Variants in SEMA4A observed in about 807,000 individuals in gnomAD.
SEMA4A encodes semaphorin-4A.
SEMA4A carries 52 observed loss-of-function variants against 72.5 expected under a neutral mutation model. That is an observed-to-expected ratio of 0.72 (90% confidence interval 0.57 to 0.90). The LOEUF (loss-of-function observed/expected upper bound fraction) is 0.90, where lower values mean the gene tolerates loss of function less well. SEMA4A is among the 40% of genes least tolerant of loss of function. The pLI is 0.00. For missense variants in SEMA4A, 926 were observed against 959.7 expected, an observed-to-expected ratio of 0.96 and a Z score of 0.46; for synonymous variants, 369 against 393.1, an observed-to-expected ratio of 0.94 and a Z score of 0.73.
chr1:156,149,940 A>T (rs1027285217), upstream of SEMA4A: 18 of 152,158 alleles, frequency 1.2e-4, no homozygotes, highest in African/African-American at 4.1e-4. Context: ...AGTCCCTCCC[A>T]CTTAGAGATG....
At chr1:156,148,946 G>A (rs769963978), upstream of SEMA4A, among the ~76,000 whole-genome samples, 48 of 152,096 alleles carry the variant, frequency 3.2e-4, no homozygotes, top group Non-Finnish European at 5.0e-4. Context: ...GGTACTGCAG[G>A]CATGCGCCAC....
intron 2 of SEMA4A, chr1:156,156,172 T>A: frequency 1.9e-6 from 1 of 518,186 alleles, no homozygotes; most frequent in Non-Finnish European, 3.6e-6. Flanking sequence ...TGCCTCACTT[T>A]ATTTCCCGTC....
At chr1:156,175,387 AT>A in intron 13 of SEMA4A, 144 bp downstream of exon 13, 1 of 1,220,902 alleles carries the variant, frequency 8.2e-7, no homozygotes, top group South Asian at 1.3e-5. Context: ...TCCTCCAGGG[AT>A]GGAGTTTCCA....
chr1:156,158,448 T>C lies in SEMA4A; in HGVS notation c.424T>C (p.Cys142Arg), dbSNP rs2102946850. 6.2e-7 allele frequency: 1 copy of C among 1,614,060 alleles called. No homozygotes were observed. Among genetic ancestry groups the C allele is most frequent in the South Asian group, 1.1e-5 (1 of 91,084 alleles). ...TTACAATGTCACCCATCTCTACACC[T>C]GCGGCACCTTCGCCTTCAGCCCTGC... ...VSYNVTHLYT[C>R]GTFAFSPACT... The change falls in exon 5 of 15, where the codon TGC becomes CGC. Residue 142 changes from cysteine to arginine, a missense_variant. Physicochemically the swap from Cys to Arg is radical, Grantham distance 180. Transcript: ENST00000368285.
chr1:156,171,769 TAA>T (rs1491489422), intron 10 of SEMA4A, among the ~76,000 whole-genome samples: 10 of 151,374 alleles, frequency 6.6e-5, no homozygotes, highest in Non-Finnish European at 1.5e-4. Flanking sequence ...ATTAATTAAT[TAA>T]TTAATTAATT....
Position 156,161,123 on chromosome 1 carries a change from G to T in SEMA4A, c.810+94G>T, listed in dbSNP as rs1020605545. 5.1e-5 allele frequency: 72 copies of T among 1,399,706 alleles called. No homozygotes were observed. The South Asian group carries it at 7.4e-4, about 14-fold the overall frequency. The allele number at this position is 1,399,706 out of a possible 1,614,324, so 86.7% of individuals were successfully genotyped here. A position where few individuals can be genotyped will look rare whatever the true frequency, so the allele number is the denominator to read the frequency against. On this transcript the variant is annotated intron_variant, in intron 8 of 14. Transcript: ENST00000368285. ...TGAGTGGTGGGCCCCCAGTGAGAGC[G>T]GGGGAGCGGGGCGGGGAACAAGCGG... is the stretch of plus-strand genomic sequence containing the variant.
chr1:156,162,254 C>T (rs1653735318), intron 9 of SEMA4A, among the ~76,000 whole-genome samples: 2 of 152,010 alleles, frequency 1.3e-5, no homozygotes, highest in Admixed American at 6.6e-5. Context: ...AGTGAGACTC[C>T]GTCTCAAAAA....
chr1:156,162,228 G>A (rs1653733308), intron 9 of SEMA4A, among the ~76,000 whole-genome samples: 3 of 152,184 alleles, frequency 2.0e-5, no homozygotes, highest in African/African-American at 7.2e-5. Context: ...ACCACTGCAC[G>A]CCAGCCTGGC....
chr1:156,155,047 C>A (rs974011317), intron 2 of SEMA4A: 7 of 385,218 alleles, frequency 1.8e-5, no homozygotes, highest in South Asian at 1.6e-4. Flanking sequence ...AAACTCCTAA[C>A]TGCTTCACAC....
chr1:156,151,838 CAAA>C (rs546304826), upstream of SEMA4A, among the ~76,000 whole-genome samples: 141 of 17,486 alleles, frequency 8.1e-3, no homozygotes, highest in Non-Finnish European at 0.015. Flanking sequence ...CACTTCGTCT[CAAA>C]AAAAAAAAAA....
chr1:156,160,936 G>A lies in SEMA4A; in HGVS notation c.717G>A (p.Ser239=). Residue 239 remains serine, a synonymous_variant, in exon 8 of 15, where the codon TCG becomes TCA. Transcript: ENST00000368285. ...CCTCCTTTGTGGCAGCCATCCCTTC[G>A]ACCCAGGTCGTCTACTTCTTCTTCG... The part of the protein sequence containing the change: ...HDASFVAAIP[S]TQVVYFFFEE... 3 of 1,613,434 alleles carry A rather than the reference G, an allele frequency of 1.9e-6. No homozygotes were observed. The highest frequency in any genetic ancestry group is 2.5e-6 in the Non-Finnish European group (3 of 1,179,852).
chr1:156,170,580 C>T (rs1371248612), intron 10 of SEMA4A, among the ~76,000 whole-genome samples: 3 of 149,618 alleles, frequency 2.0e-5, no homozygotes. Flanking sequence ...GGTGAAACCC[C>T]ATCTCTACTA....
intron 11 of SEMA4A, 149 bp from the exon 12 acceptor site, chr1:156,174,673 C>T: frequency 1.2e-6 from 1 of 857,670 alleles, no homozygotes; most frequent in Non-Finnish European, 1.9e-6. Flanking sequence ...ATCTCCATGG[C>T]ACAGAGGAAG....
At position 156,156,530 on chromosome 1, in the gene SEMA4A, G is replaced by C. The variant is rs768422312; in HGVS notation, c.256G>C (p.Ala86Pro). 14 of 1,613,944 alleles carry C rather than the reference G, an allele frequency of 8.7e-6. No individual in the cohort carries two copies. Among genetic ancestry groups the C allele is most frequent in the African/African-American group, 1.3e-5 (1 of 74,882 alleles). Residue 86 changes from alanine (A) to proline (P), a missense_variant, in exon 3 of 15, where the codon GCC becomes CCC. Physicochemically the swap from Ala to Pro is conservative, Grantham distance 27. Transcript: ENST00000368285. ...LYVGAREAIL[A>P]LDIQDPGVPR... ...CGTGGGGGCTCGAGAAGCCATTCTG[G>C]CCTTGGATATCCAGGATCCAGGGGT...
chr1:156,174,796 C>T (rs371302316), intron 11 of SEMA4A, 26 bp from the exon 12 acceptor site: 1 of 1,614,140 alleles, frequency 6.2e-7, no homozygotes, highest in Non-Finnish European at 8.5e-7. Flanking sequence ...GATGAGATGA[C>T]TTCCACTCTC....
At chr1:156,165,471 T>C (rs1281492656) in intron 10 of SEMA4A, among the ~76,000 whole-genome samples, 1 of 152,200 alleles carries the variant, frequency 6.6e-6, no homozygotes, top group East Asian at 1.9e-4. Flanking sequence ...TCTGAAAATG[T>C]ATTCTACTTT....
intron 1 of SEMA4A, chr1:156,154,250 G>A (rs1652788329): frequency 5.3e-6 from 2 of 377,136 alleles, no homozygotes; most frequent in Admixed American, 8.3e-5. Context: ...AAGACTTCCT[G>A]AGAGTAAGGC....
chr1:156,160,806 T>A (rs1420309773), intron 7 of SEMA4A, 99 bp from the exon 8 acceptor site: 2 of 1,560,996 alleles, frequency 1.3e-6, no homozygotes, highest in Non-Finnish European at 1.8e-6. Context: ...AGGAAGCCTG[T>A]GTGTCCTGGC....
intron 10 of SEMA4A, among the ~76,000 whole-genome samples, chr1:156,168,807 T>C (rs1654427349): frequency 6.6e-6 from 1 of 152,214 alleles, no homozygotes; most frequent in Admixed American, 6.5e-5. Context: ...ATTAAGTCTT[T>C]CCTCTTAGAC....
Sources: gnomAD v4.1 joint callset for allele counts (sites outside exome capture counted in the v4.1 genomes callset) on GRCh38, gnomAD v4.1.1 for gene constraint, MANE v1.5 for transcripts, NCBI Gene and HGNC (gene_info 2026-07-23, HGNC 2026-07-21) for gene names.